APBB2: variants seen among roughly 807,000 people sequenced by gnomAD.
APBB2 encodes the protein Fe65-like 1.
In APBB2, 38 loss-of-function variants were observed where a neutral mutation model predicts 82.5. The ratio of observed to expected loss-of-function variants is 0.46; its 90% confidence interval spans 0.36 to 0.60. APBB2 has a LOEUF of 0.60. APBB2 is among the 20% of genes least tolerant of loss of function. The pLI is 0.00. For synonymous variants in APBB2, 341 were observed against 368.2 expected (o/e 0.93, Z 0.85); for missense variants, 772 against 972.3 (o/e 0.79, Z 2.74).
chr4:40,903,460 C>A (rs1373523623), intron 10 of APBB2, among the ~76,000 whole-genome samples: 2 of 152,112 alleles, frequency 1.3e-5, no homozygotes, highest in Non-Finnish European at 2.9e-5. Context: ...GAGTGAGACT[C>A]CGTCTCAAAA....
intron 6 of APBB2, among the ~76,000 whole-genome samples, chr4:40,979,208 T>C (rs1462247743): frequency 6.6e-6 from 1 of 152,214 alleles, no homozygotes; most frequent in Non-Finnish European, 1.5e-5. Context: ...GTACAATTAA[T>C]TTGAGATCTC....
chr4:40,987,604 G>A (rs1191497004), intron 6 of APBB2, among the ~76,000 whole-genome samples: 1 of 152,116 alleles, frequency 6.6e-6, no homozygotes, highest in African/African-American at 2.4e-5. Flanking sequence ...ATGAAGGACT[G>A]CACACAGTCT....
intron 2 of APBB2, among the ~76,000 whole-genome samples, chr4:41,107,656 G>A (rs955969143): frequency 3.9e-5 from 6 of 152,142 alleles, no homozygotes; most frequent in African/African-American, 1.4e-4. Context: ...AGTGGTGCTC[G>A]GCATAATCAA....
intron 3 of APBB2, among the ~76,000 whole-genome samples, chr4:41,084,114 A>T (rs1738740706): frequency 6.6e-6 from 1 of 152,190 alleles, no homozygotes; most frequent in Non-Finnish European, 1.5e-5. Context: ...AATCTATGAA[A>T]ACTTTGATAG....
At chr4:41,201,218 G>A (rs1363724056) in intron 1 of APBB2, among the ~76,000 whole-genome samples, 1 of 151,876 alleles carries the variant, frequency 6.6e-6, no homozygotes, top group African/African-American at 2.4e-5. Context: ...ATCAAACCCA[G>A]AATCAAATCC....
chr4:41,205,519 TA>T (rs1416248593), intron 1 of APBB2, among the ~76,000 whole-genome samples: 14 of 152,216 alleles, frequency 9.2e-5, no homozygotes, highest in Middle Eastern at 3.4e-3. Context: ...AAGGCAAAGC[TA>T]TTAAAAATCT....
chr4:41,139,997 G>T (rs768111574), intron 2 of APBB2, among the ~76,000 whole-genome samples: 13 of 152,168 alleles, frequency 8.5e-5, no homozygotes, highest in Non-Finnish European at 1.9e-4. Flanking sequence ...GGCAGTAGAA[G>T]TCACATGGAA....
At chr4:41,187,520 T>C (rs918935755) in intron 1 of APBB2, among the ~76,000 whole-genome samples, 1 of 152,206 alleles carries the variant, frequency 6.6e-6, no homozygotes, top group Admixed American at 6.5e-5. Context: ...TTTGTTATCT[T>C]TACCAAACCA....
At chr4:41,143,591 C>T (rs954519829) in intron 1 of APBB2, among the ~76,000 whole-genome samples, 9 of 152,192 alleles carry the variant, frequency 5.9e-5, no homozygotes, top group South Asian at 2.1e-4. Flanking sequence ...AAAAGTAAAG[C>T]GAAACCCAGA....
At chr4:41,093,213 T>C (rs1742380464) in intron 3 of APBB2, among the ~76,000 whole-genome samples, 1 of 152,218 alleles carries the variant, frequency 6.6e-6, no homozygotes, top group African/African-American at 2.4e-5. Context: ...CATTTCCTAT[T>C]TTACTCAGGC....
intron 5 of APBB2, 103 bp downstream of exon 5, chr4:41,033,133 T>A (rs572297594): frequency 2.9e-5 from 24 of 829,538 alleles, no homozygotes; most frequent in Non-Finnish European, 4.5e-5. Context: ...TTAAAAAACA[T>A]GTTATTTTAG....
At chr4:41,010,325 C>T (rs1807973124) in intron 6 of APBB2, among the ~76,000 whole-genome samples, 1 of 152,140 alleles carries the variant, frequency 6.6e-6, no homozygotes, top group Non-Finnish European at 1.5e-5. Flanking sequence ...TCAAGGGCCA[C>T]CATCATCCTG....
At chr4:40,854,472 C>T (rs1024968030) in intron 12 of APBB2, among the ~76,000 whole-genome samples, 3 of 152,310 alleles carry the variant, frequency 2.0e-5, no homozygotes, top group Admixed American at 1.3e-4. Flanking sequence ...AAGCTTTGCT[C>T]AGCCAGTGGT....
intron 12 of APBB2, chr4:40,857,338 A>T (rs1312574370): frequency 4.7e-6 from 1 of 211,134 alleles, no homozygotes; most frequent in Non-Finnish European, 8.2e-6. Context: ...GGCAAGGAGG[A>T]TCCCCCACCC....
intron 3 of APBB2, among the ~76,000 whole-genome samples, chr4:41,072,566 A>G (rs908099956): frequency 6.6e-6 from 1 of 152,220 alleles, no homozygotes; most frequent in African/African-American, 2.4e-5. Context: ...GGCACAGGGC[A>G]CGGCCTCTGA....
chr4:40,833,166 G>A (rs62303792), intron 12 of APBB2, among the ~76,000 whole-genome samples: 4 of 152,030 alleles, frequency 2.6e-5, no homozygotes, highest in South Asian at 2.1e-4. Flanking sequence ...CACGTCTCCC[G>A]GCACACAACT....
chr4:41,027,393 ATATATATATAT>A (rs1560560228), intron 5 of APBB2, among the ~76,000 whole-genome samples: 24 of 129,966 alleles, frequency 1.8e-4, no homozygotes, highest in African/African-American at 5.8e-4. Flanking sequence ...ATATATATAT[ATATATATATAT>A]AACATTTTCA....
chr4:40,924,097 A>C (rs1225262762), intron 10 of APBB2, among the ~76,000 whole-genome samples: 1 of 152,188 alleles, frequency 6.6e-6, no homozygotes, highest in East Asian at 1.9e-4. Flanking sequence ...CAGCTGTGCA[A>C]GCTTGGGCAG....
At chr4:41,018,878 C>A (rs1810721971) in intron 5 of APBB2, among the ~76,000 whole-genome samples, 1 of 152,134 alleles carries the variant, frequency 6.6e-6, no homozygotes, top group Non-Finnish European at 1.5e-5. Flanking sequence ...ACAGTCCAGT[C>A]AAGAAAGTGG....
Sources: gnomAD v4.1 joint callset for allele counts (sites outside exome capture counted in the v4.1 genomes callset) on GRCh38, gnomAD v4.1.1 for gene constraint, MANE v1.5 for transcripts, NCBI Gene and HGNC (gene_info 2026-07-23, HGNC 2026-07-21) for gene names.